The following CEMIP variants were observed in gnomAD, a reference collection of about 807,000 sequenced individuals.
The protein encoded by CEMIP is cell migration-inducing and hyaluronan-binding protein.
Under a neutral mutation model 156.9 loss-of-function variants are expected in CEMIP, and 105 were observed. The observed-to-expected ratio is 0.67, with a 90% CI of 0.57 to 0.79. The LOEUF is 0.79. CEMIP is among the 30% of genes least tolerant of loss of function. The pLI, the probability that CEMIP is intolerant of heterozygous loss-of-function variation, is 0.00. For synonymous variants in CEMIP, 676 were observed against 668.4 expected, an observed-to-expected ratio of 1.01 and a Z score of -0.17; for missense variants, 1,457 against 1,769.4, an observed-to-expected ratio of 0.82 and a Z score of 3.17.
chr15:80,929,589 C>T (rs190565932), intron 21 of CEMIP, among the ~76,000 whole-genome samples: 2 of 152,194 alleles, frequency 1.3e-5, no homozygotes, highest in Non-Finnish European at 1.5e-5. Context: ...TGACAAAAGC[C>T]GAAGCTATGT....
chr15:80,816,921 G>A (rs1305019205), intron 1 of CEMIP, among the ~76,000 whole-genome samples: 2 of 152,076 alleles, frequency 1.3e-5, no homozygotes, highest in African/African-American at 4.8e-5. Context: ...TCGCTCCTCA[G>A]GCTTCAGCCC....
chr15:80,900,516 C>T (rs867885517), intron 12 of CEMIP, among the ~76,000 whole-genome samples: 2 of 151,052 alleles, frequency 1.3e-5, no homozygotes, highest in East Asian at 2.0e-4. Flanking sequence ...TTTGCCCTGC[C>T]GAGGAGCTGT....
chr15:80,893,104 T>C lies in CEMIP; in HGVS notation c.1087-1886T>C, dbSNP rs889157983. Among the ~76,000 whole-genome samples the C allele has an allele frequency of 2.6e-5, 4 of 152,076 alleles. No homozygotes were observed. In the East Asian group the frequency reaches 7.7e-4, roughly 29 times the overall value. ...CGGGAGGCTGAGGCAGAAGAATCGC[T>C]TGAACAGGTGGAGGTTGCAGTGAGC... On this transcript the variant is annotated intron_variant, in intron 10 of 29. Transcript: ENST00000394685.
intron 1 of CEMIP, among the ~76,000 whole-genome samples, chr15:80,790,635 G>A (rs1302996382): frequency 1.3e-5 from 2 of 152,140 alleles, no homozygotes; most frequent in African/African-American, 4.8e-5. Context: ...GTCACCGTGA[G>A]TCCAAAAGCT....
At chr15:80,852,420 C>CGATT (rs902376172) in intron 1 of CEMIP, among the ~76,000 whole-genome samples, 68 of 151,770 alleles carry the variant, frequency 4.5e-4, no homozygotes, top group South Asian at 6.3e-4. Context: ...TGGAGAGGTA[C>CGATT]GATTACTAAC....
chr15:80,900,374 A>G (rs1224518403), intron 12 of CEMIP, among the ~76,000 whole-genome samples: 2 of 152,084 alleles, frequency 1.3e-5, no homozygotes, highest in Non-Finnish European at 2.9e-5. Context: ...GGATAAGTGG[A>G]GAAGATCCTG....
At chr15:80,945,410 G>T (rs1438877560) in intron 28 of CEMIP, among the ~76,000 whole-genome samples, 1 of 152,300 alleles carries the variant, frequency 6.6e-6, no homozygotes, top group African/African-American at 2.4e-5. Flanking sequence ...CTCCAACAAA[G>T]GACCATTAGC....
intron 1 of CEMIP, among the ~76,000 whole-genome samples, chr15:80,827,859 T>G (rs1172669736): frequency 6.6e-6 from 1 of 152,148 alleles, no homozygotes; most frequent in Non-Finnish European, 1.5e-5. Flanking sequence ...TAATTTACTG[T>G]CAGTTTATCA....
At chr15:80,795,567 G>A (rs1896202145) in intron 1 of CEMIP, among the ~76,000 whole-genome samples, 1 of 152,106 alleles carries the variant, frequency 6.6e-6, no homozygotes, top group Admixed American at 6.5e-5. Flanking sequence ...GGTTTGGGCT[G>A]GAGATTATAC....
At chr15:80,879,939 G>A in intron 5 of CEMIP, 85 bp downstream of exon 5, 3 of 1,474,400 alleles carry the variant, frequency 2.0e-6, no homozygotes, top group Non-Finnish European at 2.8e-6. Flanking sequence ...GAGGCAAGAG[G>A]GCAAGCTTGC....
At chr15:80,947,239 C>A (rs1901596551) in intron 29 of CEMIP, 174 bp downstream of exon 29, 1 of 604,800 alleles carries the variant, frequency 1.7e-6, no homozygotes, top group East Asian at 2.8e-5. Context: ...GGGCAAGATG[C>A]CACCTGTTTA....
intron 14 of CEMIP, among the ~76,000 whole-genome samples, chr15:80,918,082 C>G (rs918277981): frequency 4.6e-5 from 7 of 152,146 alleles, no homozygotes; most frequent in African/African-American, 1.7e-4. Context: ...TGAGACCAGC[C>G]TGGGCAACAT....
In CEMIP at chr15:80,932,003, TAAC is replaced by T; in HGVS notation, c.2761_2763del (p.Asn921del). On this transcript the variant is annotated inframe_deletion, in exon 22 of 30. Transcript: ENST00000394685. The surrounding 1 kb of genome is among the most constrained non-coding windows in gnomAD (Gnocchi z 4.5). ...ATAATGCCTGGCAGAGCTGCCCCCATAACAACGTGACCGGCATTGCCTTTGAGG... is the reference window on the plus strand; with the variant it reads ...ATAATGCCTGGCAGAGCTGCCCCCATAACGTGACCGGCATTGCCTTTGAGG... 3 of 1,614,074 alleles carry T rather than the reference TAAC, an allele frequency of 1.9e-6. No homozygotes were observed. Among genetic ancestry groups the T allele is most frequent in the Non-Finnish European group, 8.5e-7 (1 of 1,180,016 alleles).
chr15:80,906,357 G>T lies in CEMIP; in HGVS notation c.1412-306G>T, dbSNP rs1016099954. 2.6e-5 allele frequency among the ~76,000 whole-genome samples: 4 copies of T among 152,184 alleles called. No individual in the cohort carries two copies. Among genetic ancestry groups the T allele is most frequent in the Admixed American group, 2.6e-4 (4 of 15,276 alleles). On this transcript the variant is annotated intron_variant, in intron 12 of 29. Coordinates refer to ENST00000394685, the MANE Select transcript of CEMIP (RefSeq NM_001293298.2). The surrounding 1 kb of genome is among the most constrained non-coding windows in gnomAD (Gnocchi z 4.3). Reference sequence around the variant, plus strand: ...CTGAGAAATGTCATTCCCTTGGGTGGCCCTGTGTCCAGCTAAAATGCAGGA... The same window carrying T: ...CTGAGAAATGTCATTCCCTTGGGTGTCCCTGTGTCCAGCTAAAATGCAGGA...
intron 5 of CEMIP, 28 bp downstream of exon 5, chr15:80,879,882 T>C: frequency 6.2e-7 from 1 of 1,613,490 alleles, no homozygotes; most frequent in South Asian, 1.1e-5. Flanking sequence ...ACAGATCAAA[T>C]GCTACCCATG....
At chr15:80,874,008 A>C in intron 3 of CEMIP, 35 bp downstream of exon 3, 447 of 1,508,728 alleles carry the variant, frequency 3.0e-4, no homozygotes, top group Non-Finnish European at 3.7e-4. Context: ...TCTGTATCTC[A>C]GCATGGAAGG....
chr15:80,928,831 C>T, intron 19 of CEMIP, 71 bp from the exon 20 acceptor site: 2 of 1,590,298 alleles, frequency 1.3e-6, no homozygotes, highest in Non-Finnish European at 1.7e-6. Flanking sequence ...AGGGAAGTGT[C>T]CTTCTCTCCA....
At position 80,824,766 on chromosome 15, in the gene CEMIP, T is replaced by C. The variant is rs539760529; in HGVS notation, c.-176+45152T>C. 3.2e-4 allele frequency among the ~76,000 whole-genome samples: 48 copies of C among 152,334 alleles called. 1 individual carries two copies. The South Asian group carries it at 8.9e-3, about 28-fold the overall frequency. Reference sequence around the variant, plus strand: ...GTTACTAAATAGGAAAGGCTCATTGTCTCTTGTCTTTGATTCTTCCCACCT... The same window carrying C: ...GTTACTAAATAGGAAAGGCTCATTGCCTCTTGTCTTTGATTCTTCCCACCT... On this transcript the variant is annotated intron_variant, in intron 1 of 29. Transcript: ENST00000394685.
chr15:80,860,742 C>T (rs1897964241), intron 1 of CEMIP, among the ~76,000 whole-genome samples: 1 of 152,118 alleles, frequency 6.6e-6, no homozygotes, highest in Non-Finnish European at 1.5e-5. Context: ...CCAGTTTTGG[C>T]CACCTGGGTG....
Sources: allele counts gnomAD v4.1 joint callset (sites outside exome capture counted in the v4.1 genomes callset), GRCh38; gene constraint gnomAD v4.1.1; non-coding constraint Gnocchi (gnomAD v3.1); transcripts MANE v1.5; gene names NCBI Gene and HGNC (gene_info 2026-07-23, HGNC 2026-07-21).